The following CXCL13 variants were observed in gnomAD, a reference collection of about 807,000 sequenced individuals.
CXCL13 encodes C-X-C motif chemokine ligand 13, also known as C-X-C motif chemokine 13.
CXCL13 carries 7 observed loss-of-function variants against 12.2 expected under a neutral mutation model. That is an observed-to-expected ratio of 0.57 (90% CI 0.33 to 1.07). CXCL13 has a LOEUF of 1.07. Among genes scored for constraint, CXCL13 ranks in the 50% least tolerant of loss-of-function variants. CXCL13 has a pLI of 0.04. For synonymous variants in CXCL13, 47 were observed against 42.4 expected, an observed-to-expected ratio of 1.11 and a Z score of -0.42; for missense variants, 113 against 127.4, an observed-to-expected ratio of 0.89 and a Z score of 0.55.
intron 1 of CXCL13, among the ~76,000 whole-genome samples, chr4:77,560,397 G>T (rs1725777768): frequency 6.6e-6 from 1 of 152,160 alleles, no homozygotes; most frequent in South Asian, 2.1e-4. Context: ...AAGGTCAACA[G>T]GTACACTGTA....
intron 1 of CXCL13, among the ~76,000 whole-genome samples, chr4:77,529,637 C>T (rs188367144): frequency 6.6e-6 from 1 of 152,288 alleles, no homozygotes; most frequent in Non-Finnish European, 1.5e-5. Flanking sequence ...TATCCTGAGA[C>T]TTTGCTGAAG....
chr4:77,525,692 T>C (rs1724745433), intron 1 of CXCL13, among the ~76,000 whole-genome samples: 1 of 152,166 alleles, frequency 6.6e-6, no homozygotes, highest in African/African-American at 2.4e-5. Context: ...AATGACTAAG[T>C]TAAACCTCTT....
At chr4:77,572,039 A>G (rs1191682056) in intron 1 of CXCL13, among the ~76,000 whole-genome samples, 3 of 151,816 alleles carry the variant, frequency 2.0e-5, no homozygotes, top group Non-Finnish European at 2.9e-5. Context: ...TGAACATCAG[A>G]AGGGACAGAC....
At chr4:77,546,840 G>T (rs934673074) in intron 1 of CXCL13, among the ~76,000 whole-genome samples, 10 of 151,926 alleles carry the variant, frequency 6.6e-5, no homozygotes, top group African/African-American at 2.2e-4. Flanking sequence ...TTAGGGTGTT[G>T]ATTTTAGATC....
At chr4:77,583,629 G>A (rs1057385856) in intron 1 of CXCL13, among the ~76,000 whole-genome samples, 9 of 152,146 alleles carry the variant, frequency 5.9e-5, no homozygotes, top group African/African-American at 1.7e-4. Context: ...TGATCCCAGA[G>A]GCAGCTGCAA....
At chr4:77,540,755 A>T (rs1725189298) in intron 1 of CXCL13, among the ~76,000 whole-genome samples, 1 of 152,114 alleles carries the variant, frequency 6.6e-6, no homozygotes, top group Non-Finnish European at 1.5e-5. Flanking sequence ...TTTTGGTATA[A>T]AAATTTATTT....
At chr4:77,529,357 A>T (rs1026749932) in intron 1 of CXCL13, among the ~76,000 whole-genome samples, 6 of 152,240 alleles carry the variant, frequency 3.9e-5, no homozygotes, top group Non-Finnish European at 8.8e-5. Context: ...TGAATCTATA[A>T]ATTACCTTGG....
At chr4:77,606,712 T>C (rs1395076543) in intron 1 of CXCL13, among the ~76,000 whole-genome samples, 1 of 152,144 alleles carries the variant, frequency 6.6e-6, no homozygotes, top group African/African-American at 2.4e-5. Flanking sequence ...GTTCTCAGCA[T>C]GCATGTTAGA....
At chr4:77,529,334 A>G (rs1413291833) in intron 1 of CXCL13, among the ~76,000 whole-genome samples, 2 of 152,162 alleles carry the variant, frequency 1.3e-5, no homozygotes, top group Non-Finnish European at 2.9e-5. Context: ...TGGTAGCTTG[A>G]TGGGGATGGC....
At chr4:77,604,861 G>T (rs1327703767), upstream of CXCL13, among the ~76,000 whole-genome samples, 1 of 152,134 alleles carries the variant, frequency 6.6e-6, no homozygotes, top group Non-Finnish European at 1.5e-5. Flanking sequence ...AGATCAGTGG[G>T]TCTGGTTTGA....
chr4:77,610,408 A>G (rs1428256083), intron 2 of CXCL13, among the ~76,000 whole-genome samples: 1 of 152,178 alleles, frequency 6.6e-6, no homozygotes, highest in Non-Finnish European at 1.5e-5. Flanking sequence ...CAACCCCACC[A>G]GCTCACACAT....
chr4:77,534,379 C>G (rs1386515922), intron 1 of CXCL13, among the ~76,000 whole-genome samples: 6 of 152,244 alleles, frequency 3.9e-5, no homozygotes, highest in African/African-American at 1.4e-4. Flanking sequence ...TAAACAATGG[C>G]ACATCATACA....
intron 1 of CXCL13, among the ~76,000 whole-genome samples, chr4:77,595,427 C>T (rs1726726389): frequency 6.6e-6 from 1 of 152,128 alleles, no homozygotes; most frequent in African/African-American, 2.4e-5. Flanking sequence ...TTATTGCCTG[C>T]AAGATAGTTT....
In CXCL13 at chr4:77,611,089, T is replaced by C. The variant is rs1433921372; in HGVS notation, c.*50T>C. ...CTGCATTCTTCCCTTATCCCTGCTC[T>C]GGATTTTAGTTTTGTGCTTAGTTAA... On this transcript the variant is annotated 3_prime_UTR_variant, in exon 4 of 4. Coordinates refer to ENST00000682537, the MANE Select transcript of CXCL13 (RefSeq NM_001371558.1). The C allele has an allele frequency of 6.8e-7, 1 of 1,462,698 alleles. No individual in the cohort carries two copies. The allele number at this position is 1,462,698 out of a possible 1,614,324, so 90.6% of individuals were successfully genotyped here. A position where few individuals can be genotyped will look rare whatever the true frequency, so the allele number is the denominator to read the frequency against.
At chr4:77,570,794 G>A (rs1293455236) in intron 1 of CXCL13, among the ~76,000 whole-genome samples, 1 of 149,552 alleles carries the variant, frequency 6.7e-6, no homozygotes, top group African/African-American at 2.6e-5. Flanking sequence ...GGCAGTGAGG[G>A]GCTTAGCACC....
At chr4:77,542,848 G>T (rs920663169) in intron 1 of CXCL13, among the ~76,000 whole-genome samples, 7 of 152,110 alleles carry the variant, frequency 4.6e-5, no homozygotes, top group Non-Finnish European at 7.4e-5. Context: ...GCCTTTGCCA[G>T]GTTTTGGTAT....
chr4:77,565,697 T>G lies in CXCL13; in HGVS notation c.-42-40127T>G, dbSNP rs78007073. 1.7e-3 allele frequency among the ~76,000 whole-genome samples: 263 copies of G among 152,278 alleles called. 1 individual carries two copies. The highest frequency in any genetic ancestry group is 6.1e-3 in the African/African-American group (252 of 41,572). On this transcript the variant is annotated intron_variant, in intron 1 of 4. Transcript: ENST00000286758. Reference sequence around the variant, plus strand: ...CAGGGTGATCCTGCCCTCAAAGGACTCACCGTCTAGTAGTAAAAGGACCTA... The same window carrying G: ...CAGGGTGATCCTGCCCTCAAAGGACGCACCGTCTAGTAGTAAAAGGACCTA...
At chr4:77,514,047 T>C in intron 1 of CXCL13, among the ~76,000 whole-genome samples, 1 of 152,012 alleles carries the variant, frequency 6.6e-6, no homozygotes, top group East Asian at 1.9e-4. Context: ...TGAGCGAGAA[T>C]ATGTGGTGTT....
chr4:77,611,137 T>C lies in CXCL13; in HGVS notation c.*98T>C, dbSNP rs556064609. 5.2e-5 allele frequency: 53 copies of C among 1,021,892 alleles called. No individual in the cohort carries two copies. In the African/African-American group the frequency reaches 7.7e-4, roughly 15 times the overall value. The allele number at this position is 1,021,892 out of a possible 1,614,324, so 63.3% of individuals were successfully genotyped here. ...TAAATCTTTTCCAGGAAAAAGAACT[T>C]CCCCATACAAATAAGCATGAGACTA... On this transcript the variant is annotated 3_prime_UTR_variant, in exon 4 of 4. Transcript: ENST00000682537.
Sources: allele counts gnomAD v4.1 joint callset (sites outside exome capture counted in the v4.1 genomes callset), GRCh38; gene constraint gnomAD v4.1.1; transcripts MANE v1.5; gene names NCBI Gene and HGNC (gene_info 2026-07-23, HGNC 2026-07-21).